The following SYN2 variants were observed in gnomAD, a reference collection of about 807,000 sequenced individuals.
The protein encoded by SYN2 is synapsin II, also known as synapsin-2.
Under a neutral mutation model 50.9 loss-of-function variants are expected in SYN2, and 19 were observed. The observed-to-expected ratio is 0.37, with a 90% CI of 0.26 to 0.55. SYN2 has a LOEUF of 0.55. SYN2 is among the 20% of genes least tolerant of loss of function. SYN2 has a pLI of 0.81. For synonymous variants in SYN2, 255 were observed against 224.9 expected (o/e 1.13, Z -1.20); for missense variants, 587 against 576.4 (o/e 1.02, Z -0.19).
intron 3 of SYN2, among the ~76,000 whole-genome samples, chr3:12,145,010 A>G (rs1211026197): frequency 1.3e-5 from 2 of 152,178 alleles, no homozygotes; most frequent in Non-Finnish European, 2.9e-5. Context: ...TAGCCTGGGC[A>G]ACGGAGCAAG....
chr3:12,094,425 A>C (rs1180666860), intron 1 of SYN2, among the ~76,000 whole-genome samples: 1 of 152,258 alleles, frequency 6.6e-6, no homozygotes, highest in Non-Finnish European at 1.5e-5. Context: ...ATAACAGCCT[A>C]AAGATAGGAA....
At chr3:12,111,413 G>C (rs529489117) in intron 1 of SYN2, among the ~76,000 whole-genome samples, 2 of 152,238 alleles carry the variant, frequency 1.3e-5, no homozygotes, top group East Asian at 3.9e-4. Context: ...ACCTAATGGG[G>C]TTGTGGTCTG....
intron 1 of SYN2, among the ~76,000 whole-genome samples, chr3:12,107,830 A>G (rs1168708006): frequency 6.6e-6 from 1 of 152,232 alleles, no homozygotes; most frequent in Non-Finnish European, 1.5e-5. Context: ...AACATTTCCT[A>G]AAATCATGTG....
intron 1 of SYN2, among the ~76,000 whole-genome samples, chr3:12,020,973 A>T (rs555431219): frequency 2.5e-4 from 38 of 152,230 alleles, no homozygotes; most frequent in Non-Finnish European, 3.5e-4. Context: ...AGCTGCTTTC[A>T]CATTTTTTGT....
At chr3:12,141,583 C>G (rs17035910) in intron 2 of SYN2, among the ~76,000 whole-genome samples, 11,995 of 152,236 alleles carry the variant, frequency 0.079, 580 homozygotes, top group African/African-American at 0.13. Flanking sequence ...CATTCTCGCT[C>G]TGTAGAGAGG....
At chr3:12,189,938 T>C (rs1698415284) in intron 12 of SYN2, among the ~76,000 whole-genome samples, 1 of 152,240 alleles carries the variant, frequency 6.6e-6, no homozygotes. Context: ...ATCTTCATTT[T>C]ACCAAACTTG....
chr3:12,160,042 CAAAAAAAAAAAAAA>C (rs3079818), intron 5 of SYN2, among the ~76,000 whole-genome samples: 4 of 67,614 alleles, frequency 5.9e-5, no homozygotes, highest in Non-Finnish European at 1.0e-4. Flanking sequence ...GACTCCGTCT[CAAAAAAAAAAAAAA>C]AAAAAAAAAA....
chr3:12,091,230 AAAAG>A (rs1229388145), intron 1 of SYN2, among the ~76,000 whole-genome samples: 1 of 152,202 alleles, frequency 6.6e-6, no homozygotes, highest in African/African-American at 2.4e-5. Context: ...TGGTACTACA[AAAAG>A]AATCTCTATG....
intron 4 of SYN2, among the ~76,000 whole-genome samples, chr3:12,147,205 A>G (rs924545779): frequency 3.7e-5 from 5 of 136,602 alleles, no homozygotes; most frequent in Non-Finnish European, 8.4e-5. Flanking sequence ...GTGTGTGTGT[A>G]TGTGTGTGTG....
chr3:12,106,271 C>G lies in SYN2; in HGVS notation c.378-34380C>G, dbSNP rs530999861. ...TCATGCTTCAGATCTCTTCCTCTTC[C>G]GTCTCCAGCTGGAGAAAACTCTCTG... On this transcript the variant is annotated intron_variant, in intron 1 of 12. Transcript: ENST00000621198. Among the ~76,000 whole-genome samples, 7 of 152,252 alleles carry G rather than the reference C, an allele frequency of 4.6e-5. No individual in the cohort carries two copies. The South Asian group carries it at 1.5e-3, about 32-fold the overall frequency.
At chr3:12,038,706 A>G (rs1166579506) in intron 1 of SYN2, among the ~76,000 whole-genome samples, 1 of 151,594 alleles carries the variant, frequency 6.6e-6, no homozygotes, top group Non-Finnish European at 1.5e-5. Flanking sequence ...TCATTTTTGG[A>G]TTGTTTATTG....
chr3:12,160,719 G>A (rs1697626886), intron 5 of SYN2, among the ~76,000 whole-genome samples: 1 of 152,204 alleles, frequency 6.6e-6, no homozygotes, highest in African/African-American at 2.4e-5. Context: ...AAAGTCCGTG[G>A]CAGAAGAGGA....
chr3:12,098,558 T>C (rs1695994191), intron 1 of SYN2, among the ~76,000 whole-genome samples: 1 of 151,886 alleles, frequency 6.6e-6, no homozygotes, highest in South Asian at 2.1e-4. Flanking sequence ...AGAAAGTAAC[T>C]TTTTAAAAAA....
At chr3:12,024,149 C>CTTTTTT (rs35513783) in intron 1 of SYN2, among the ~76,000 whole-genome samples, 3 of 68,332 alleles carry the variant, frequency 4.4e-5, no homozygotes, top group African/African-American at 1.2e-4. Context: ...TCATTACTTC[C>CTTTTTT]TTTTTTTTTT....
intron 1 of SYN2, among the ~76,000 whole-genome samples, chr3:12,089,980 A>G (rs749873474): frequency 2.5e-4 from 38 of 152,232 alleles, no homozygotes; most frequent in Non-Finnish European, 4.6e-4. Context: ...GTTAGATTAG[A>G]GAATTCAATG....
intron 1 of SYN2, among the ~76,000 whole-genome samples, chr3:12,116,702 G>C (rs957902854): frequency 6.6e-6 from 1 of 152,144 alleles, no homozygotes; most frequent in Non-Finnish European, 1.5e-5. Context: ...CCCCTTTGTT[G>C]ATTACAAATG....
intron 1 of SYN2, among the ~76,000 whole-genome samples, chr3:12,022,328 C>T (rs950113637): frequency 6.6e-6 from 1 of 152,106 alleles, no homozygotes; most frequent in African/African-American, 2.4e-5. Flanking sequence ...TAAAGTTTCA[C>T]CATTTAAGTT....
intron 1 of SYN2, among the ~76,000 whole-genome samples, chr3:12,114,697 A>G (rs867246342): frequency 1.5e-4 from 23 of 152,308 alleles, no homozygotes; most frequent in Middle Eastern, 6.8e-3. Context: ...GAAATTTTTC[A>G]TAAAAAAATA....
At chr3:12,140,599 A>G (rs1696993813) in intron 1 of SYN2, 52 bp from the exon 2 acceptor site, 2 of 723,196 alleles carry the variant, frequency 2.8e-6, no homozygotes, top group African/African-American at 1.7e-5. Flanking sequence ...TAAATGTCTG[A>G]CTTTAAATAC....
Sources: allele counts gnomAD v4.1 joint callset (sites outside exome capture counted in the v4.1 genomes callset), GRCh38; gene constraint gnomAD v4.1.1; transcripts MANE v1.5; gene names NCBI Gene and HGNC (gene_info 2026-07-23, HGNC 2026-07-21).